The following TTC7A variants were observed in gnomAD, a reference collection of about 807,000 sequenced individuals.
The protein encoded by TTC7A is tetratricopeptide repeat domain 7A.
In TTC7A, 110 loss-of-function variants were observed where a neutral mutation model predicts 103.7. The ratio of observed to expected loss-of-function variants is 1.06; its 90% CI spans 0.91 to 1.24. TTC7A has a LOEUF of 1.24. Among genes scored for constraint, TTC7A ranks in the 50% most tolerant of loss-of-function variants. TTC7A has a pLI of 0.00. For missense variants in TTC7A, 1,340 were observed against 1,116.3 expected, an observed-to-expected ratio of 1.20 and a Z score of -2.86; for synonymous variants, 521 against 467.9, an observed-to-expected ratio of 1.11 and a Z score of -1.47.
intron 2 of TTC7A, among the ~76,000 whole-genome samples, chr2:46,933,899 C>A (rs1669835321): frequency 6.6e-6 from 1 of 152,068 alleles, no homozygotes; most frequent in South Asian, 2.1e-4. Flanking sequence ...CTCTAAGGGA[C>A]CCCACATGGT....
chr2:47,046,266 A>C (rs1237992310), intron 15 of TTC7A, 49 bp from the exon 16 acceptor site: 2 of 1,468,508 alleles, frequency 1.4e-6, no homozygotes, highest in Admixed American at 1.7e-5. Flanking sequence ...CCCCAGGTGA[A>C]AGTGGGCCCT....
chr2:46,964,584 AG>A (rs1173074010), intron 3 of TTC7A, among the ~76,000 whole-genome samples: 2 of 152,158 alleles, frequency 1.3e-5, no homozygotes, highest in African/African-American at 4.8e-5. Context: ...TCTGGAGCTG[AG>A]GGGTCTGGGC....
intron 3 of TTC7A, among the ~76,000 whole-genome samples, chr2:46,965,842 C>A (rs555026351): frequency 1.0e-3 from 154 of 152,186 alleles, no homozygotes; most frequent in African/African-American, 3.4e-3. Flanking sequence ...GAGTTACAGG[C>A]GTGAGCCACC....
intron 6 of TTC7A, 75 bp from the exon 7 acceptor site, chr2:46,994,282 G>A: frequency 6.6e-7 from 1 of 1,516,864 alleles, no homozygotes; most frequent in Non-Finnish European, 8.9e-7. Flanking sequence ...GCTGGGATGG[G>A]CAGAGGGCGT....
In TTC7A at chr2:46,978,917, T is replaced by C. The variant is rs1162115589; in HGVS notation, c.764+10T>C. 12 of 1,601,056 alleles carry C rather than the reference T, an allele frequency of 7.5e-6. No individual in the cohort carries two copies. Among genetic ancestry groups the C allele is most frequent in the Non-Finnish European group, 9.4e-6 (11 of 1,168,370 alleles). ...AAAACCTGAAGAAGGGGTAGGTCAC[T>C]GGTAGTTGAGTGAGTGGGAGAACGA... On this transcript the variant is annotated intron_variant, in intron 5 of 19. Transcript: ENST00000319190.
At chr2:46,985,229 C>T (rs1166660256) in intron 5 of TTC7A, among the ~76,000 whole-genome samples, 6 of 152,096 alleles carry the variant, frequency 3.9e-5, no homozygotes, top group Non-Finnish European at 8.8e-5. Context: ...TGTTTTGGTC[C>T]TTACAGCCAG....
At chr2:46,936,443 A>G (rs998665757), upstream of TTC7A, among the ~76,000 whole-genome samples, 2 of 152,102 alleles carry the variant, frequency 1.3e-5, no homozygotes, top group Admixed American at 1.3e-4. Context: ...GTTCAGGACA[A>G]TCTCTCCGGA....
chr2:46,979,823 C>T (rs1308090775), intron 5 of TTC7A, among the ~76,000 whole-genome samples: 2 of 152,212 alleles, frequency 1.3e-5, no homozygotes, highest in Admixed American at 1.3e-4. Context: ...GCCCCTTCCT[C>T]TGCGTCATTA....
intron 3 of TTC7A, 28 bp downstream of exon 3, chr2:46,957,035 C>G: frequency 6.2e-7 from 1 of 1,613,768 alleles, no homozygotes; most frequent in Non-Finnish European, 8.5e-7. Context: ...CCTGGGCTCC[C>G]CTCCACTGTG....
At position 47,060,796 on chromosome 2, in the gene TTC7A, T is replaced by G; in HGVS notation, c.2180T>G (p.Leu727Arg). 6.2e-7 allele frequency: 1 copy of G among 1,612,204 alleles called. No individual in the cohort carries two copies. The highest frequency in any genetic ancestry group is 1.1e-5 in the South Asian group (1 of 90,964). ...GAGCTGTTCATGGAGCAGCAGCACC[T>G]CAAGGAAGCAGGTTTCTGCATCCAG... ...AAELFMEQQH[L>R]KEAGFCIQEA... The change falls in exon 19 of 20, where the codon CTC becomes CGC. Residue 727 changes from leucine (L) to arginine (R), a missense_variant. Physicochemically the swap from Leu to Arg is moderately radical, Grantham distance 102 (BLOSUM62 -2). Transcript: ENST00000319190.
chr2:46,980,713 A>G (rs938372362), intron 5 of TTC7A, among the ~76,000 whole-genome samples: 3 of 152,154 alleles, frequency 2.0e-5, no homozygotes, highest in African/African-American at 7.2e-5. Context: ...GCTCAGTCCC[A>G]TGAAAGACTG....
At chr2:47,061,475 C>G (rs901805704) in intron 19 of TTC7A, among the ~76,000 whole-genome samples, 2 of 152,186 alleles carry the variant, frequency 1.3e-5, no homozygotes, top group Non-Finnish European at 2.9e-5. Flanking sequence ...AGACCTGTCT[C>G]AAGCACACAC....
chr2:46,966,589 A>G (rs563683038), intron 3 of TTC7A, among the ~76,000 whole-genome samples: 27 of 106,680 alleles, frequency 2.5e-4, no homozygotes, highest in African/African-American at 6.7e-4. Flanking sequence ...TGTATGCTAA[A>G]TCTTTTTTTT....
At position 47,075,549 on chromosome 2, in the gene TTC7A, G is replaced by A. The variant is rs1042491611; in HGVS notation, c.*1626G>A. The A allele has an allele frequency of 1.3e-5, 2 of 152,218 alleles. No individual in the cohort carries two copies. Among genetic ancestry groups the A allele is most frequent in the Non-Finnish European group, 2.9e-5 (2 of 68,040 alleles). The allele number at this position is 152,218 out of a possible 1,614,324, so 9.4% of individuals were successfully genotyped here. On this transcript the variant is annotated 3_prime_UTR_variant, in exon 20 of 20. Transcript: ENST00000319190. Reference sequence around the variant, plus strand: ...GGTTGAATAAAGAAACCCTTGGAGGGGAAGCAGGCTTGTCTGAAGCAGCAT... The same window carrying A: ...GGTTGAATAAAGAAACCCTTGGAGGAGAAGCAGGCTTGTCTGAAGCAGCAT...
At chr2:46,948,765 A>C (rs549371703) in intron 1 of TTC7A, among the ~76,000 whole-genome samples, 5 of 152,168 alleles carry the variant, frequency 3.3e-5, no homozygotes, top group Admixed American at 2.0e-4. Flanking sequence ...CAGCTAAGGC[A>C]TGCAGTTTTG....
chr2:47,073,334 G>T (rs1333110872), intron 19 of TTC7A, among the ~76,000 whole-genome samples: 1 of 151,842 alleles, frequency 6.6e-6, no homozygotes, highest in African/African-American at 2.4e-5. Flanking sequence ...TCTCGAGAGA[G>T]ATGCTGTGAT....
chr2:47,043,343 G>A (rs1253158793), intron 15 of TTC7A, among the ~76,000 whole-genome samples: 8 of 152,298 alleles, frequency 5.3e-5, no homozygotes, highest in South Asian at 2.1e-4. Context: ...CAGCCCCCAT[G>A]GGGATACAGA....
intron 15 of TTC7A, among the ~76,000 whole-genome samples, chr2:47,038,544 G>A (rs976758364): frequency 1.3e-5 from 2 of 152,152 alleles, no homozygotes; most frequent in Admixed American, 6.5e-5. Context: ...AAACAGCTCA[G>A]CACAGCCATC....
rs1682325697 is a variant in TTC7A at position 47,046,420 on chromosome 2, C to T, written c.1908C>T (p.Phe636=). 6.2e-7 allele frequency: 1 copy of T among 1,614,048 alleles called. No homozygotes were observed. Among genetic ancestry groups the T allele is most frequent in the Non-Finnish European group, 8.5e-7 (1 of 1,179,918 alleles). ...GGCTGTGGCAGACCCTGTACAGCTTCTCCCAGCTGGGGTGAGTGGCCGTCA... is the reference window on the plus strand; with the variant it reads ...GGCTGTGGCAGACCCTGTACAGCTTTTCCCAGCTGGGGTGAGTGGCCGTCA... ...VLRLWQTLYS[F]SQLGGLEKDG... is the part of the protein sequence containing the mutation. The change falls in exon 16 of 20, where the codon TTC becomes TTT. Residue 636 remains phenylalanine (F), a synonymous_variant. Coordinates refer to ENST00000319190, the MANE Select transcript of TTC7A (RefSeq NM_020458.4).
Sources: gnomAD v4.1 joint callset for allele counts (sites outside exome capture counted in the v4.1 genomes callset) on GRCh38, gnomAD v4.1.1 for gene constraint, MANE v1.5 for transcripts, NCBI Gene and HGNC (gene_info 2026-07-23, HGNC 2026-07-21) for gene names.